The following HIBCH variants were observed in gnomAD, a reference collection of about 807,000 sequenced individuals.
The protein encoded by HIBCH is 3-hydroxyisobutyryl-CoA hydrolase, mitochondrial.
A neutral mutation model predicts 58.2 loss-of-function variants in HIBCH; 50 were observed. That is an observed-to-expected ratio of 0.86 (90% CI 0.68 to 1.09). The LOEUF (loss-of-function observed/expected upper bound fraction) is 1.09, where lower values mean the gene tolerates loss of function less well. Among genes scored for constraint, HIBCH ranks in the 50% least tolerant of loss-of-function variants. The probability of loss-of-function intolerance (pLI) is 0.00; values close to 1 mark genes in which losing one functional copy is unlikely to be tolerated. For missense variants in HIBCH, 450 were observed against 449.7 expected, an observed-to-expected ratio of 1.00 and a Z score of -0.01; for synonymous variants, 151 against 146.9, an observed-to-expected ratio of 1.03 and a Z score of -0.20.
At chr2:190,242,571 A>G (rs1686483008) in intron 11 of HIBCH, among the ~76,000 whole-genome samples, 1 of 151,840 alleles carries the variant, frequency 6.6e-6, no homozygotes, top group African/African-American at 2.4e-5. Context: ...TCTACCTTTG[A>G]GCTTTGATGC....
At chr2:190,240,797 G>C (rs1320822718) in intron 11 of HIBCH, among the ~76,000 whole-genome samples, 5 of 152,206 alleles carry the variant, frequency 3.3e-5, no homozygotes, top group African/African-American at 1.2e-4. Flanking sequence ...TTTTGAGTGA[G>C]TTTCTTAATC....
intron 1 of HIBCH, chr2:190,311,137 C>T (rs1029862151): frequency 2.1e-5 from 9 of 435,702 alleles, no homozygotes; most frequent in South Asian, 9.6e-5. Context: ...AAAAATTGGA[C>T]GAAACTTAAA....
At chr2:190,298,490 T>C (rs1421298750) in intron 2 of HIBCH, among the ~76,000 whole-genome samples, 4 of 152,242 alleles carry the variant, frequency 2.6e-5, no homozygotes, top group Admixed American at 2.0e-4. Context: ...TTTGCATTTC[T>C]CTAATGACCA....
At position 190,197,511 on chromosome 2, in the gene HIBCH, C is replaced by T. The variant is rs1018636687; in HGVS notation, c.*18-7514G>A. ...TTCTGCCTCTCTTCCCAATCTTGAACTCTATCTTATAAATTCCAGCTGTTT... is the reference window on the plus strand; with the variant it reads ...TTCTGCCTCTCTTCCCAATCTTGAATTCTATCTTATAAATTCCAGCTGTTT... On this transcript the variant is annotated intron_variant, in intron 1 of 1. Transcript: ENST00000399855. This position sits in a 1 kb window ranked among gnomAD's most constrained non-coding sequence, Gnocchi z 4.0. Among the ~76,000 whole-genome samples the T allele has an allele frequency of 6.6e-6, 1 of 152,230 alleles. No homozygotes were observed. Among genetic ancestry groups the T allele is most frequent in the African/African-American group, 2.4e-5 (1 of 41,464 alleles).
chr2:190,266,904 C>T (rs921786574), intron 6 of HIBCH, among the ~76,000 whole-genome samples: 34 of 149,502 alleles, frequency 2.3e-4, no homozygotes, highest in African/African-American at 8.1e-4. Flanking sequence ...CTTCAGGCGC[C>T]CACCACCACA....
intron 6 of HIBCH, among the ~76,000 whole-genome samples, chr2:190,276,074 C>T (rs1424093028): frequency 2.0e-5 from 3 of 152,144 alleles, no homozygotes; most frequent in African/African-American, 7.2e-5. Context: ...TAAAGCACAA[C>T]CACAATGGCT....
Position 190,290,353 on chromosome 2 carries a change from T to C in HIBCH, c.385+52A>G, listed in dbSNP as rs1330456757. ...TGCATTTTTAACAAAGTACATACTGTCCACCTCATTTCTTTATTCCATTTC... is the reference window on the plus strand; with the variant it reads ...TGCATTTTTAACAAAGTACATACTGCCCACCTCATTTCTTTATTCCATTTC... On this transcript the variant is annotated intron_variant, in intron 5 of 13. Coordinates refer to ENST00000359678, the MANE Select transcript of HIBCH (RefSeq NM_014362.4). 1.2e-5 allele frequency: 15 copies of C among 1,210,354 alleles called. No individual in the cohort carries two copies. The Admixed American group carries it at 2.5e-4, about 20-fold the overall frequency. The allele number at this position is 1,210,354 out of a possible 1,614,324, so 75.0% of individuals were successfully genotyped here.
Position 190,217,530 on chromosome 2 carries a change from A to G in HIBCH, c.892-4455T>C, listed in dbSNP as rs1014065134. On this transcript the variant is annotated intron_variant, in intron 11 of 13. Transcript: ENST00000359678. The surrounding 1 kb of genome is among the most constrained non-coding windows in gnomAD (Gnocchi z 4.6). ...GAAAAAGACCTCCTGGGTTAAGGCCATATTTAAGCAGGACTACTAACCTTT... is the reference window on the plus strand; with the variant it reads ...GAAAAAGACCTCCTGGGTTAAGGCCGTATTTAAGCAGGACTACTAACCTTT... 1.3e-5 allele frequency among the ~76,000 whole-genome samples: 2 copies of G among 152,184 alleles called. No homozygotes were observed. The highest frequency in any genetic ancestry group is 4.8e-5 in the African/African-American group (2 of 41,450).
chr2:190,212,934 C>T (rs529951295), intron 12 of HIBCH, 22 bp downstream of exon 12: 2 of 1,581,490 alleles, frequency 1.3e-6, no homozygotes, highest in Admixed American at 1.7e-5. Context: ...TAAAAAATGA[C>T]ATTTTTTTTT....
intron 11 of HIBCH, among the ~76,000 whole-genome samples, chr2:190,237,835 G>A (rs1178410497): frequency 1.3e-5 from 2 of 150,124 alleles, no homozygotes; most frequent in Non-Finnish European, 3.0e-5. Context: ...CCCCTACCCT[G>A]ATGGGCCCCA....
chr2:190,196,553 A>G (rs1324331497), intron 1 of HIBCH, among the ~76,000 whole-genome samples: 1 of 147,594 alleles, frequency 6.8e-6, no homozygotes, highest in African/African-American at 2.5e-5. Context: ...ATTATGGGTC[A>G]GATTTTCCTG....
At chr2:190,212,675 G>A (rs984103860) in intron 12 of HIBCH, among the ~76,000 whole-genome samples, 3 of 152,206 alleles carry the variant, frequency 2.0e-5, no homozygotes, top group Admixed American at 6.5e-5. Flanking sequence ...AGAGACCATC[G>A]CTGAAAGACA....
chr2:190,297,507 C>T (rs1238639980), intron 2 of HIBCH, among the ~76,000 whole-genome samples: 1 of 152,128 alleles, frequency 6.6e-6, no homozygotes, highest in Non-Finnish European at 1.5e-5. Flanking sequence ...GCTGAGGAAA[C>T]GAGTGGTGAG....
rs748753472 is a variant in HIBCH at position 190,244,975 on chromosome 2, A to T, written c.810-7T>A. 8 of 1,549,606 alleles carry T rather than the reference A, an allele frequency of 5.2e-6. No homozygotes were observed. In the South Asian group the frequency reaches 8.9e-5, roughly 17 times the overall value. On this transcript the variant is annotated splice_polypyrimidine_tract_variant and splice_region_variant and intron_variant, in intron 10 of 13. Coordinates refer to ENST00000359678, the MANE Select transcript of HIBCH (RefSeq NM_014362.4). ...AGTATTGGCTGAAAAACAACTATAA[A>T]AAAAGGAAATGTGATTTCACCAATG... is the stretch of plus-strand genomic sequence containing the variant.
At position 190,204,080 on chromosome 2, in the gene HIBCH, C is replaced by A. The variant is rs1575689873; in HGVS notation, c.*1037G>T. The A allele has an allele frequency of 6.6e-6, 1 of 151,948 alleles. No homozygotes were observed. Among genetic ancestry groups the A allele is most frequent in the South Asian group, 2.1e-4 (1 of 4,826 alleles). The allele number at this position is 151,948 out of a possible 1,614,324, so 9.4% of individuals were successfully genotyped here. A position where few individuals can be genotyped will look rare whatever the true frequency, so the allele number is the denominator to read the frequency against. On this transcript the variant is annotated 3_prime_UTR_variant, in exon 14 of 14. Coordinates refer to ENST00000359678, the MANE Select transcript of HIBCH (RefSeq NM_014362.4). ...TTTACTTTGTTAATTTATAAACTTA[C>A]CTTTAGTTTAAAAATTATTCTTGCC...
intron 6 of HIBCH, among the ~76,000 whole-genome samples, chr2:190,284,614 C>G (rs186775949): frequency 2.6e-3 from 390 of 152,218 alleles, no homozygotes; most frequent in African/African-American, 9.0e-3. Flanking sequence ...CTCTTGGATC[C>G]TAACTACTTC....
At chr2:190,302,371 T>C (rs950756496) in intron 2 of HIBCH, among the ~76,000 whole-genome samples, 7 of 152,194 alleles carry the variant, frequency 4.6e-5, no homozygotes, top group African/African-American at 9.7e-5. Context: ...CCATGTTAAC[T>C]CTGGGGTGGA....
intron 4 of HIBCH, among the ~76,000 whole-genome samples, chr2:190,291,369 G>T (rs1687953386): frequency 6.6e-6 from 1 of 152,152 alleles, no homozygotes; most frequent in African/African-American, 2.4e-5. Flanking sequence ...CAGGAGATGT[G>T]TAATTAATTA....
chr2:190,284,561 T>A (rs1687785169), intron 6 of HIBCH, among the ~76,000 whole-genome samples: 1 of 152,204 alleles, frequency 6.6e-6, no homozygotes, highest in South Asian at 2.1e-4. Context: ...ATAATATTTT[T>A]ATTTTATATT....
Sources: allele counts gnomAD v4.1 joint callset (sites outside exome capture counted in the v4.1 genomes callset), GRCh38; gene constraint gnomAD v4.1.1; non-coding constraint Gnocchi (gnomAD v3.1); transcripts MANE v1.5; gene names NCBI Gene and HGNC (gene_info 2026-07-23, HGNC 2026-07-21).